The following PARVB variants were observed in gnomAD, a reference collection of about 807,000 sequenced individuals.
PARVB encodes the protein beta-parvin.
A neutral mutation model predicts 47.0 loss-of-function variants in PARVB; 46 were observed. The observed-to-expected ratio is 0.98, with a 90% CI of 0.77 to 1.25. PARVB has a LOEUF of 1.25. PARVB is among the 50% of genes most tolerant of loss of function. PARVB has a pLI of 0.00. For synonymous variants in PARVB, 196 were observed against 196.3 expected (o/e 1.00, Z 0.01); for missense variants, 473 against 471.6 (o/e 1.00, Z -0.03).
intron 1 of PARVB, among the ~76,000 whole-genome samples, chr22:44,053,446 T>G (rs189430171): frequency 1.3e-5 from 2 of 152,206 alleles, no homozygotes; most frequent in Non-Finnish European, 2.9e-5. Flanking sequence ...CTGCTCCCTG[T>G]GGCTTTCACA....
chr22:44,021,319 G>A (rs1221811692), upstream of PARVB, among the ~76,000 whole-genome samples: 1 of 152,170 alleles, frequency 6.6e-6, no homozygotes, highest in Non-Finnish European at 1.5e-5. Context: ...TTTCTCCACG[G>A]CCAGCTCCAA....
chr22:44,146,285 ACACAACCT>A (rs2053672149), intron 8 of PARVB: 1 of 128,492 alleles, frequency 7.8e-6, no homozygotes, highest in African/African-American at 3.0e-5. Context: ...ACATGTTCAC[ACACAACCT>A]CACACGCACA....
intron 11 of PARVB, among the ~76,000 whole-genome samples, chr22:44,161,537 C>T (rs1307404008): frequency 6.6e-6 from 1 of 152,140 alleles, no homozygotes; most frequent in Non-Finnish European, 1.5e-5. Flanking sequence ...TGGTCTTGAA[C>T]TCCAGACCTC....
At chr22:44,130,822 G>T (rs1305283610) in intron 4 of PARVB, among the ~76,000 whole-genome samples, 1 of 152,012 alleles carries the variant, frequency 6.6e-6, no homozygotes, top group Non-Finnish European at 1.5e-5. Flanking sequence ...GAATGTTCCC[G>T]AGTATAACAC....
chr22:44,025,988 A>G (rs1399302843), intron 1 of PARVB, among the ~76,000 whole-genome samples: 7 of 152,220 alleles, frequency 4.6e-5, no homozygotes, highest in Admixed American at 4.6e-4. Flanking sequence ...GAGCACATAG[A>G]ACAGGGCGAT....
At chr22:44,101,077 C>T (rs144780437) in intron 3 of PARVB, among the ~76,000 whole-genome samples, 1 of 152,336 alleles carries the variant, frequency 6.6e-6, no homozygotes, top group Non-Finnish European at 1.5e-5. Flanking sequence ...AGGGCTCATT[C>T]AGAATAAGTA....
At chr22:43,999,298 A>G in exon 1 of PARVB, 10 of 1,439,718 alleles carry the variant, frequency 6.9e-6, no homozygotes, top group Middle Eastern at 1.9e-4. Context: ...TCCCTTTTTA[A>G]AGACCAGATA....
intron 8 of PARVB, chr22:44,141,875 G>A (rs1343383769): frequency 1.3e-5 from 2 of 152,194 alleles, no homozygotes; most frequent in African/African-American, 2.4e-5. Flanking sequence ...ACAAATGCAG[G>A]AAGAGAAAGA....
At chr22:44,016,071 C>CTGTCTTTT (rs2050573494) in intron 2 of PARVB, among the ~76,000 whole-genome samples, 1 of 150,360 alleles carries the variant, frequency 6.7e-6, no homozygotes, top group Admixed American at 6.7e-5. Flanking sequence ...GAGCTCTTCT[C>CTGTCTTTT]TGTCTTTTTC....
chr22:44,140,491 C>T, intron 8 of PARVB: 2 of 616,940 alleles, frequency 3.2e-6, no homozygotes, highest in Admixed American at 1.8e-5. Flanking sequence ...AGGCAGCCAG[C>T]ACATGGAGCG....
intron 1 of PARVB, among the ~76,000 whole-genome samples, chr22:44,046,999 G>C (rs534345020): frequency 6.6e-6 from 1 of 152,310 alleles, no homozygotes; most frequent in African/African-American, 2.4e-5. Context: ...CGTAGCTACA[G>C]TTTGTCTTCC....
At chr22:44,024,029 G>A (rs1013503402), upstream of PARVB, among the ~76,000 whole-genome samples, 1 of 152,194 alleles carries the variant, frequency 6.6e-6, no homozygotes, top group Non-Finnish European at 1.5e-5. Flanking sequence ...CTGTCGCGCT[G>A]TCGCCTGGAT....
At chr22:44,060,239 C>T (rs960631690) in intron 1 of PARVB, among the ~76,000 whole-genome samples, 14 of 151,982 alleles carry the variant, frequency 9.2e-5, no homozygotes, top group African/African-American at 3.1e-4. Flanking sequence ...TCACTTGAAC[C>T]CAGGAGGTGG....
At chr22:44,106,125 C>A (rs983193983) in intron 3 of PARVB, 9 of 150,506 alleles carry the variant, frequency 6.0e-5, no homozygotes, top group African/African-American at 2.2e-4. Context: ...CCATTGCATG[C>A]CCAGCCAGAT....
rs1358049130 is a variant in PARVB at position 44,094,027 on chromosome 22, T to A, written c.202+10T>A. On this transcript the variant is annotated intron_variant, in intron 2 of 12. Coordinates refer to ENST00000338758, the MANE Select transcript of PARVB (RefSeq NM_013327.5). ...GAAGACACCCAGCTTGGTACGGGGG[T>A]TCCTCCGCTCCCTGCCCTGAGACAG... 1 of 1,535,914 alleles carries A rather than the reference T, an allele frequency of 6.5e-7. No individual in the cohort carries two copies. Among genetic ancestry groups the A allele is most frequent in the Admixed American group, 1.7e-5 (1 of 58,836 alleles).
chr22:44,061,331 T>G (rs1285562365), intron 1 of PARVB, among the ~76,000 whole-genome samples: 1 of 152,014 alleles, frequency 6.6e-6, no homozygotes, highest in Non-Finnish European at 1.5e-5. Flanking sequence ...TTCAGGAGGC[T>G]GAGGCTGGAG....
intron 12 of PARVB, 88 bp downstream of exon 12, chr22:44,164,018 G>A (rs1345119146): frequency 9.9e-7 from 1 of 1,005,028 alleles, no homozygotes; most frequent in Non-Finnish European, 1.5e-6. Context: ...AGGCTGGCAT[G>A]TTGTTCCCCA....
chr22:44,104,329 A>G (rs1391568392), intron 3 of PARVB: 3 of 152,232 alleles, frequency 2.0e-5, no homozygotes, highest in Non-Finnish European at 2.9e-5. Context: ...CAAAATAAGC[A>G]TAGACACAGC....
intron 1 of PARVB, among the ~76,000 whole-genome samples, chr22:44,024,945 A>C (rs1296274840): frequency 6.6e-6 from 1 of 152,144 alleles, no homozygotes; most frequent in Non-Finnish European, 1.5e-5. Flanking sequence ...TGCGAGCAAG[A>C]ATTGCAGAGA....
Sources: allele counts gnomAD v4.1 joint callset (sites outside exome capture counted in the v4.1 genomes callset), GRCh38; gene constraint gnomAD v4.1.1; transcripts MANE v1.5; gene names NCBI Gene and HGNC (gene_info 2026-07-23, HGNC 2026-07-21).